Variants in AFF3 observed in about 807,000 individuals in gnomAD.
AFF3 encodes the protein AF4/FMR2 family member 3.
Under a neutral mutation model 129.7 loss-of-function variants are expected in AFF3, and 32 were observed. The observed-to-expected ratio is 0.25, with a 90% CI of 0.19 to 0.33. AFF3 has a LOEUF of 0.33. Ranked by LOEUF, AFF3 falls within the 10% of genes least tolerant of loss-of-function variation. The pLI is 1.00. For synonymous variants in AFF3, 644 were observed against 635.4 expected (o/e 1.01, Z -0.20); for missense variants, 1,373 against 1,592.0 (o/e 0.86, Z 2.34).
chr2:99,851,738 A>C (rs572557360), intron 7 of AFF3, among the ~76,000 whole-genome samples: 1 of 152,342 alleles, frequency 6.6e-6, no homozygotes, highest in South Asian at 2.1e-4. Context: ...CTAGACACAT[A>C]ATTGTAGCAA....
At chr2:99,994,819 G>T (rs1376865734) in intron 7 of AFF3, among the ~76,000 whole-genome samples, 4 of 152,254 alleles carry the variant, frequency 2.6e-5, no homozygotes, top group Middle Eastern at 3.4e-3. Flanking sequence ...TCACTGATCT[G>T]CCTGACATCA....
At chr2:99,686,942 T>C (rs1675119062) in intron 11 of AFF3, among the ~76,000 whole-genome samples, 2 of 152,234 alleles carry the variant, frequency 1.3e-5, no homozygotes, top group South Asian at 4.1e-4. Flanking sequence ...ATTTAAGTCA[T>C]ATTTCATTGA....
chr2:99,963,349 G>T (rs1312261473), intron 7 of AFF3, among the ~76,000 whole-genome samples: 2 of 152,060 alleles, frequency 1.3e-5, no homozygotes, highest in African/African-American at 2.4e-5. Context: ...GAAAGTAAAA[G>T]AACATCAGAA....
rs1327292004 is a variant in AFF3, at chr2:99,587,228, T to A, written c.2517A>T (p.Lys839Asn). 6.2e-7 allele frequency: 1 copy of A among 1,614,068 alleles called. No homozygotes were observed. The highest frequency in any genetic ancestry group is 1.7e-5 in the Admixed American group (1 of 60,010). ...YREIKKSQGE[K>N]DSSSRLATST... ...AGGTGGCCAGTCTTGAAGAGCTGTC[T>A]TTCTCTCCCTGGGACTTCTTGATCT... Residue 839 changes from lysine to asparagine, a missense_variant, in exon 16 of 25, where the codon AAA becomes AAT. Physicochemically the swap from Lys to Asn is moderately conservative, Grantham distance 94. This residue lies in a region of AFF3 where 466 missense variants were observed against 505.0 expected (regional missense o/e 0.92). Coordinates refer to ENST00000672756, the MANE Select transcript of AFF3 (RefSeq NM_001386135.1).
chr2:99,917,876 G>A (rs1044816964), intron 7 of AFF3, among the ~76,000 whole-genome samples: 11 of 151,870 alleles, frequency 7.2e-5, no homozygotes, highest in African/African-American at 1.7e-4. Context: ...CGAACAGTGC[G>A]CAAAAAAATT....
At chr2:99,961,847 G>C (rs891623728) in intron 7 of AFF3, among the ~76,000 whole-genome samples, 1 of 152,192 alleles carries the variant, frequency 6.6e-6, no homozygotes, top group Non-Finnish European at 1.5e-5. Context: ...CAAATTGAAA[G>C]AGTCTCACCA....
intron 13 of AFF3, among the ~76,000 whole-genome samples, chr2:99,609,930 G>T (rs145050103): frequency 1.3e-5 from 2 of 152,284 alleles, no homozygotes; most frequent in African/African-American, 4.8e-5. Context: ...GAAACAGCCA[G>T]CTCCTGTCTT....
chr2:100,007,121 A>C, intron 6 of AFF3, 27 bp downstream of exon 6: 1 of 1,606,864 alleles, frequency 6.2e-7, no homozygotes, highest in Non-Finnish European at 8.5e-7. Flanking sequence ...GATTTGTGCA[A>C]ATCAAGCAAC....
intron 12 of AFF3, among the ~76,000 whole-genome samples, chr2:99,649,967 A>G (rs1368644911): frequency 6.6e-6 from 1 of 152,218 alleles, no homozygotes; most frequent in African/African-American, 2.4e-5. Context: ...GGAAATTGGC[A>G]AAGACCAGAG....
At chr2:99,724,182 C>T (rs915831555) in intron 11 of AFF3, among the ~76,000 whole-genome samples, 2 of 151,406 alleles carry the variant, frequency 1.3e-5, no homozygotes, top group African/African-American at 2.4e-5. Context: ...TAGTTTGTCT[C>T]TTGAGACCCA....
At chr2:100,106,534 A>G in intron 2 of AFF3, 1 of 997,984 alleles carries the variant, frequency 1.0e-6, no homozygotes, top group Non-Finnish European at 1.2e-6. Flanking sequence ...AGACATTGAG[A>G]CAGCATTCCC....
At chr2:100,092,433 C>T (rs551404922) in intron 4 of AFF3, among the ~76,000 whole-genome samples, 2 of 152,288 alleles carry the variant, frequency 1.3e-5, no homozygotes, top group South Asian at 2.1e-4. Context: ...AACCACCAGA[C>T]TCATCCATCT....
intron 7 of AFF3, among the ~76,000 whole-genome samples, chr2:99,977,015 T>C (rs1372820423): frequency 6.6e-6 from 1 of 152,278 alleles, no homozygotes; most frequent in South Asian, 2.1e-4. Context: ...ATAGAAAGAA[T>C]CTGAGCTTGC....
At chr2:99,731,046 CG>C (rs1366090048) in intron 10 of AFF3, among the ~76,000 whole-genome samples, 3 of 151,918 alleles carry the variant, frequency 2.0e-5, no homozygotes, top group African/African-American at 7.3e-5. Context: ...CTCTGCCTCC[CG>C]GGTAATCTCA....
chr2:99,641,404 G>A (rs1684177681), intron 13 of AFF3, among the ~76,000 whole-genome samples: 1 of 152,178 alleles, frequency 6.6e-6, no homozygotes, highest in African/African-American at 2.4e-5. Flanking sequence ...GAGGCCAGGT[G>A]TGGTGGCTCA....
At chr2:99,814,403 G>C (rs528598096) in intron 8 of AFF3, among the ~76,000 whole-genome samples, 2 of 152,264 alleles carry the variant, frequency 1.3e-5, no homozygotes, top group East Asian at 3.9e-4. Context: ...CCTACAGAGA[G>C]ACAAAATATA....
At chr2:99,728,305 G>A (rs1679525505) in intron 10 of AFF3, among the ~76,000 whole-genome samples, 1 of 152,150 alleles carries the variant, frequency 6.6e-6, no homozygotes, top group African/African-American at 2.4e-5. Context: ...AGAAGGCTGT[G>A]AGTTGCAAGA....
chr2:100,021,278 G>A (rs144163767), intron 4 of AFF3, among the ~76,000 whole-genome samples: 275 of 152,266 alleles, frequency 1.8e-3, no homozygotes, highest in African/African-American at 6.1e-3. Flanking sequence ...TGTATCCTCA[G>A]CACATAGAAG....
intron 7 of AFF3, among the ~76,000 whole-genome samples, chr2:99,893,357 T>G (rs1181657579): frequency 6.6e-6 from 1 of 152,246 alleles, no homozygotes; most frequent in Non-Finnish European, 1.5e-5. Flanking sequence ...CAGTCTCTAT[T>G]TAGACAGCAC....
Sources: gnomAD v4.1 joint callset for allele counts (sites outside exome capture counted in the v4.1 genomes callset) on GRCh38, gnomAD v4.1.1 for gene constraint, gnomAD v4.1.1 regional missense constraint, MANE v1.5 for transcripts, NCBI Gene and HGNC (gene_info 2026-07-23, HGNC 2026-07-21) for gene names.